Variants in C19orf47 observed in about 807,000 individuals in gnomAD.
The protein encoded by C19orf47 is chromosome 19 open reading frame 47, also known as uncharacterized protein C19orf47.
Under a neutral mutation model 32.3 loss-of-function variants are expected in C19orf47, and 18 were observed. The observed-to-expected ratio is 0.56, with a 90% CI of 0.39 to 0.83. The LOEUF is 0.83. Ranked by LOEUF, C19orf47 falls within the 40% of genes least tolerant of loss-of-function variation. The probability of loss-of-function intolerance (pLI) is 0.00; values close to 1 mark genes in which losing one functional copy is unlikely to be tolerated. For missense variants in C19orf47, 484 were observed against 531.6 expected (o/e 0.91, Z 0.88); for synonymous variants, 202 against 211.1 (o/e 0.96, Z 0.37).
chr19:40,307,459 C>T, the C19orf47 span, among the ~76,000 whole-genome samples: 2 of 151,120 alleles, frequency 1.3e-5, no homozygotes, highest in Non-Finnish European at 3.0e-5. Flanking sequence ...AATGCAGTGG[C>T]ATGAGCTCGG....
the C19orf47 span, among the ~76,000 whole-genome samples, chr19:40,293,155 T>C: frequency 2.6e-5 from 4 of 151,726 alleles, no homozygotes; most frequent in Admixed American, 6.6e-5. Context: ...TTTTTTTTTT[T>C]CTCGAGATGG....
chr19:40,318,487 T>C (rs1001817765), downstream of C19orf47, among the ~76,000 whole-genome samples: 1 of 152,218 alleles, frequency 6.6e-6, no homozygotes, highest in African/African-American at 2.4e-5. Context: ...GAAATTACCA[T>C]GGCTCTTAAA....
intron 7 of C19orf47, among the ~76,000 whole-genome samples, chr19:40,325,746 A>T (rs2077816140): frequency 6.6e-6 from 1 of 152,170 alleles, no homozygotes; most frequent in Non-Finnish European, 1.5e-5. Context: ...GAGGGAAAAG[A>T]GTTTGTTTTT....
At chr19:40,334,031 GATTCTAACAC>G in intron 4 of C19orf47, 102 bp from the exon 5 acceptor site, 1 of 809,318 alleles carries the variant, frequency 1.2e-6, no homozygotes, top group Non-Finnish European at 1.9e-6. Flanking sequence ...TGCTAGAGAA[GATTCTAACAC>G]ATTTCACTCC....
chr19:40,346,817 C>G (rs1271375446), intron 1 of C19orf47, among the ~76,000 whole-genome samples: 1 of 152,086 alleles, frequency 6.6e-6, no homozygotes, highest in Non-Finnish European at 1.5e-5. Flanking sequence ...TGAGCCACCA[C>G]GCCCAGCCAA....
chr19:40,342,966 T>G (rs372065487), intron 1 of C19orf47, among the ~76,000 whole-genome samples: 1 of 152,102 alleles, frequency 6.6e-6, no homozygotes, highest in Non-Finnish European at 1.5e-5. Context: ...TAGCAGATGG[T>G]AGAAAGGTGG....
the C19orf47 span, among the ~76,000 whole-genome samples, chr19:40,309,959 GTTCT>G: frequency 6.6e-6 from 1 of 152,158 alleles, no homozygotes; most frequent in East Asian, 1.9e-4. Flanking sequence ...CAGTCTGGCA[GTTCT>G]TCAGATGGTT....
intron 1 of C19orf47, among the ~76,000 whole-genome samples, chr19:40,346,537 T>C (rs1464107730): frequency 6.7e-6 from 1 of 148,336 alleles, no homozygotes; most frequent in African/African-American, 2.4e-5. Flanking sequence ...GGACCCTTTT[T>C]TTTTTTTGAG....
chr19:40,342,859 G>A (rs1167970807), intron 1 of C19orf47, among the ~76,000 whole-genome samples: 2 of 152,284 alleles, frequency 1.3e-5, no homozygotes, highest in Non-Finnish European at 2.9e-5. Context: ...GCAGTGGAGC[G>A]AGCAGGAAGG....
chr19:40,342,216 T>A (rs2145613505), intron 1 of C19orf47: 1 of 380,256 alleles, frequency 2.6e-6, no homozygotes, highest in Admixed American at 4.8e-5. Flanking sequence ...CCAAGCATGC[T>A]GGCTCATGCC....
chr19:40,337,343 A>G (rs1424486276), intron 2 of C19orf47, among the ~76,000 whole-genome samples: 1 of 148,544 alleles, frequency 6.7e-6, no homozygotes, highest in East Asian at 2.0e-4. Context: ...CATCACCACT[A>G]AACATAGAGC....
chr19:40,316,716 G>A (rs976679563), downstream of C19orf47, among the ~76,000 whole-genome samples: 3 of 152,206 alleles, frequency 2.0e-5, no homozygotes, highest in African/African-American at 7.2e-5. Flanking sequence ...GTTCAGATCT[G>A]CAACGGACTC....
At chr19:40,329,672 A>G (rs1002255085) in intron 5 of C19orf47, among the ~76,000 whole-genome samples, 1 of 152,098 alleles carries the variant, frequency 6.6e-6, no homozygotes, top group Non-Finnish European at 1.5e-5. Flanking sequence ...GCAGGAAGAA[A>G]TTCTTGGTTT....
chr19:40,325,584 T>C (rs1212480774), intron 7 of C19orf47, among the ~76,000 whole-genome samples: 1 of 151,968 alleles, frequency 6.6e-6, no homozygotes, highest in Non-Finnish European at 1.5e-5. Flanking sequence ...GTTGACAAGG[T>C]GCCACTGAAC....
chr19:40,333,771 G>A, intron 5 of C19orf47, 80 bp downstream of exon 5: 2 of 1,157,506 alleles, frequency 1.7e-6, no homozygotes, highest in Non-Finnish European at 2.4e-6. Flanking sequence ...TTACAGGCGG[G>A]GATGGGATGG....
intron 1 of C19orf47, among the ~76,000 whole-genome samples, chr19:40,346,965 A>G (rs1436729173): frequency 6.6e-6 from 1 of 152,192 alleles, no homozygotes; most frequent in East Asian, 1.9e-4. Flanking sequence ...CTAGGGAAAC[A>G]GTGGGACAGT....
chr19:40,345,848 CAAAAA>C (rs35848570), intron 1 of C19orf47, among the ~76,000 whole-genome samples: 1 of 75,238 alleles, frequency 1.3e-5, no homozygotes, highest in African/African-American at 5.9e-5. Flanking sequence ...GACTCAGTCT[CAAAAA>C]AAAAAAAAAA....
downstream of C19orf47, among the ~76,000 whole-genome samples, chr19:40,316,009 A>G (rs775876127): frequency 1.3e-4 from 19 of 151,268 alleles, 1 homozygote; most frequent in Middle Eastern, 6.8e-3. Context: ...CAAAAAAAAA[A>G]AGAGAGAGAG....
Position 40,336,354 on chromosome 19 carries a change from C to A in C19orf47, c.73G>T (p.Ala25Ser). The A allele has an allele frequency of 1.2e-6, 2 of 1,614,202 alleles. No individual in the cohort carries two copies. Among genetic ancestry groups the A allele is most frequent in the Non-Finnish European group, 1.7e-6 (2 of 1,180,036 alleles). The change falls in exon 3 of 9, where the codon GCC becomes TCC. Residue 25 changes from alanine to serine, a missense_variant. Ala to Ser is a moderately conservative substitution (Grantham distance 99). Around this residue, in one of 3 missense-constraint regions of C19orf47, gnomAD observed 57 missense variants for 86.9 expected, o/e 0.66. Transcript: ENST00000683109. Reference sequence around the variant, plus strand: ...ACAAACATCACGGCATAATTGACGGCAGGTCCTGGAGGAATGCCGGCTTCC... The same window carrying A: ...ACAAACATCACGGCATAATTGACGGAAGGTCCTGGAGGAATGCCGGCTTCC... ...FKEAGIPPGPAVNYAVMFVDN... is the reference protein window; with the variant it reads ...FKEAGIPPGPSVNYAVMFVDN...
Sources: gnomAD v4.1 joint callset for allele counts (sites outside exome capture counted in the v4.1 genomes callset) on GRCh38, gnomAD v4.1.1 for gene constraint, gnomAD v4.1.1 regional missense constraint, MANE v1.5 for transcripts, NCBI Gene and HGNC (gene_info 2026-07-23, HGNC 2026-07-21) for gene names.